Variants in AGBL1 observed in about 807,000 individuals in gnomAD.
AGBL1 encodes cytosolic carboxypeptidase 4.
In AGBL1, 130 loss-of-function variants were observed where a neutral mutation model predicts 118.9. The observed-to-expected ratio is 1.09, with a 90% confidence interval of 0.95 to 1.26. The LOEUF (loss-of-function observed/expected upper bound fraction) is 1.26. Ranked by LOEUF, AGBL1 falls within the 50% of genes most tolerant of loss-of-function variation. AGBL1 has a pLI of 0.00. For missense variants in AGBL1, 1,584 were observed against 1,298.1 expected (o/e 1.22, Z -3.38); for synonymous variants, 555 against 478.9 (o/e 1.16, Z -2.08).
chr15:86,394,190 G>C (rs546367717), intron 17 of AGBL1, among the ~76,000 whole-genome samples: 3 of 152,200 alleles, frequency 2.0e-5, no homozygotes, highest in African/African-American at 7.2e-5. Context: ...TTTGAACCCT[G>C]GAAATACGGC....
At chr15:86,781,848 T>A (rs2078340833) in intron 22 of AGBL1, among the ~76,000 whole-genome samples, 1 of 152,020 alleles carries the variant, frequency 6.6e-6, no homozygotes, top group South Asian at 2.1e-4. Flanking sequence ...GACACTCTGA[T>A]CATCTACTGG....
intron 22 of AGBL1, among the ~76,000 whole-genome samples, chr15:86,903,215 G>A (rs4392028): frequency 0.027 from 4,021 of 151,252 alleles, 144 homozygotes; most frequent in East Asian, 0.16. Flanking sequence ...CCTTTATCTA[G>A]CTTTTGATAT....
chr15:86,758,988 A>T (rs1052428308), intron 22 of AGBL1, among the ~76,000 whole-genome samples: 1 of 151,648 alleles, frequency 6.6e-6, no homozygotes, highest in Non-Finnish European at 1.5e-5. Flanking sequence ...AAAAAAAGAA[A>T]AAAAAAAGAA....
intron 24 of AGBL1, among the ~76,000 whole-genome samples, chr15:87,018,445 T>C (rs1596746277): frequency 6.6e-6 from 1 of 152,066 alleles, no homozygotes; most frequent in Non-Finnish European, 1.5e-5. Context: ...CCAGAAGATA[T>C]TGGGGGCCAA....
chr15:86,211,532 A>G (rs1329411395), intron 5 of AGBL1, among the ~76,000 whole-genome samples: 1 of 152,188 alleles, frequency 6.6e-6, no homozygotes, highest in East Asian at 1.9e-4. Context: ...TTACCCACTC[A>G]AGCCTCAGCA....
intron 22 of AGBL1, among the ~76,000 whole-genome samples, chr15:86,755,296 A>G (rs1275370313): frequency 6.6e-6 from 1 of 152,130 alleles, no homozygotes; most frequent in Non-Finnish European, 1.5e-5. Context: ...TATAGAATGG[A>G]AAGTGTGGAA....
intron 18 of AGBL1, among the ~76,000 whole-genome samples, chr15:86,521,993 G>T (rs1444705882): frequency 6.6e-6 from 1 of 152,118 alleles, no homozygotes; most frequent in Non-Finnish European, 1.5e-5. Flanking sequence ...GCTGCCCTTG[G>T]TAATCTCTGG....
intron 19 of AGBL1, among the ~76,000 whole-genome samples, chr15:86,528,249 A>G (rs954553611): frequency 1.0e-3 from 155 of 152,258 alleles, no homozygotes; most frequent in African/African-American, 3.6e-3. Flanking sequence ...CAGTGGGTGC[A>G]CGCACCGGGC....
chr15:86,363,892 C>A, intron 17 of AGBL1, among the ~76,000 whole-genome samples: 1 of 152,124 alleles, frequency 6.6e-6, no homozygotes, highest in East Asian at 1.9e-4. Context: ...TCACCATTAT[C>A]CACACTATTC....
At chr15:86,725,942 T>A (rs1329379118) in intron 22 of AGBL1, among the ~76,000 whole-genome samples, 1 of 152,186 alleles carries the variant, frequency 6.6e-6, no homozygotes, top group Non-Finnish European at 1.5e-5. Context: ...ATCTTATTCA[T>A]CATTGTGTTC....
intron 22 of AGBL1, among the ~76,000 whole-genome samples, chr15:86,728,580 A>G (rs1180885078): frequency 6.6e-6 from 1 of 152,164 alleles, no homozygotes; most frequent in Non-Finnish European, 1.5e-5. Flanking sequence ...GCTAAATAAA[A>G]AAACCTTGCC....
intron 1 of AGBL1, among the ~76,000 whole-genome samples, chr15:86,092,554 G>A (rs998774496): frequency 2.0e-5 from 3 of 152,236 alleles, no homozygotes; most frequent in African/African-American, 7.2e-5. Context: ...AGAGAGGTGA[G>A]AAACTCAGGG....
At chr15:86,134,609 T>C (rs1001240036) in intron 1 of AGBL1, among the ~76,000 whole-genome samples, 32 of 41,790 alleles carry the variant, frequency 7.7e-4, no homozygotes, top group South Asian at 1.3e-3. Context: ...GGTGCCTTTT[T>C]TTTTTTTTTT....
At chr15:87,015,642 A>T (rs946755052) in intron 24 of AGBL1, among the ~76,000 whole-genome samples, 2 of 152,040 alleles carry the variant, frequency 1.3e-5, no homozygotes, top group African/African-American at 4.8e-5. Flanking sequence ...GCATAAATAA[A>T]TCTATTTATC....
At chr15:86,413,252 T>G (rs1337765452) in intron 18 of AGBL1, among the ~76,000 whole-genome samples, 1 of 152,174 alleles carries the variant, frequency 6.6e-6, no homozygotes, top group African/African-American at 2.4e-5. Flanking sequence ...GAATTTGAAG[T>G]CCAGGCCTAA....
At chr15:86,811,431 CTCTCT>C (rs1349527401) in intron 22 of AGBL1, among the ~76,000 whole-genome samples, 3 of 152,130 alleles carry the variant, frequency 2.0e-5, no homozygotes, top group African/African-American at 7.2e-5. Flanking sequence ...GGAGATACAG[CTCTCT>C]TCCCTGGCCT....
intron 22 of AGBL1, among the ~76,000 whole-genome samples, chr15:86,830,998 A>G (rs1044452320): frequency 3.3e-5 from 5 of 152,162 alleles, no homozygotes; most frequent in Admixed American, 2.0e-4. Context: ...AGGCCCCACA[A>G]TTATGGCAGA....
intron 22 of AGBL1, among the ~76,000 whole-genome samples, chr15:86,835,508 A>C (rs969003839): frequency 6.6e-6 from 1 of 152,046 alleles, no homozygotes; most frequent in African/African-American, 2.4e-5. Context: ...CTGTTCTGCC[A>C]TTTGGAAATA....
intron 18 of AGBL1, among the ~76,000 whole-genome samples, chr15:86,485,605 T>C (rs924897619): frequency 6.6e-6 from 1 of 152,120 alleles, no homozygotes; most frequent in Middle Eastern, 3.2e-3. Flanking sequence ...TTTTACATAA[T>C]TTTCATATGA....
Sources: gnomAD v4.1 joint callset for allele counts (sites outside exome capture counted in the v4.1 genomes callset) on GRCh38, gnomAD v4.1.1 for gene constraint, MANE v1.5 for transcripts, NCBI Gene and HGNC (gene_info 2026-07-23, HGNC 2026-07-21) for gene names.